RCOR1: variants seen among roughly 807,000 people sequenced by gnomAD.
RCOR1 encodes REST corepressor 1.
Under a neutral mutation model 64.0 loss-of-function variants are expected in RCOR1, and 12 were observed. That is an observed-to-expected ratio of 0.19 (90% CI 0.12 to 0.30). The LOEUF is 0.30. RCOR1 is among the 10% of genes least tolerant of loss of function. RCOR1 has a pLI of 1.00. For synonymous variants in RCOR1, 279 were observed against 227.2 expected (o/e 1.23, Z -2.05); for missense variants, 502 against 621.2 (o/e 0.81, Z 2.04).
At position 102,593,033 on chromosome 14, in the gene RCOR1, C is replaced by A; in HGVS notation, c.147C>A (p.Ala49=). The A allele has an allele frequency of 7.8e-7, 1 of 1,281,520 alleles. No individual in the cohort carries two copies. Among genetic ancestry groups the A allele is most frequent in the South Asian group, 2.4e-5 (1 of 41,420 alleles). 79.4% of individuals were successfully genotyped at this position (1,281,520 alleles called of 1,614,324 possible). ...CAGCCGCCACTGCCGCCTCGGGCGC[C>A]GCCGCCTCCTCAGCCTCGGCCGCCG... ...ASPAATAASG[A]AASSASAAAA... is the part of the protein sequence containing the mutation. Residue 49 remains alanine, a synonymous_variant, in exon 1 of 12, where the codon GCC becomes GCA. Coordinates refer to ENST00000262241, the MANE Select transcript of RCOR1 (RefSeq NM_015156.4).
chr14:102,628,068 A>G (rs145075385), intron 2 of RCOR1, among the ~76,000 whole-genome samples: 131 of 152,134 alleles, frequency 8.6e-4, no homozygotes, highest in African/African-American at 3.1e-3. Flanking sequence ...TGACAGGGTA[A>G]GTTCCAGTTC....
intron 2 of RCOR1, among the ~76,000 whole-genome samples, chr14:102,616,250 ATGTGTGTGTGTG>A (rs1446113795): frequency 9.8e-6 from 1 of 101,930 alleles, no homozygotes; most frequent in African/African-American, 3.3e-5. Flanking sequence ...GTGTGTGTGT[ATGTGTGTGTGTG>A]TATATATATA....
chr14:102,701,208 C>A, intron 3 of RCOR1, 70 bp from the exon 4 acceptor site: 2 of 1,238,114 alleles, frequency 1.6e-6, no homozygotes, highest in South Asian at 1.2e-5. Flanking sequence ...ACACGTATAT[C>A]AATTCTAGCA....
intron 2 of RCOR1, among the ~76,000 whole-genome samples, chr14:102,628,538 CA>C (rs371262191): frequency 4.3e-3 from 550 of 126,784 alleles, no homozygotes; most frequent in Middle Eastern, 0.012. Flanking sequence ...ACTGCAACTC[CA>C]AAAAAAAAAA....
At chr14:102,632,933 T>G (rs1894159392) in intron 2 of RCOR1, among the ~76,000 whole-genome samples, 1 of 151,474 alleles carries the variant, frequency 6.6e-6, no homozygotes, top group South Asian at 2.1e-4. Context: ...CACTTCAGCC[T>G]CCTGAGTAGC....
intron 2 of RCOR1, chr14:102,630,201 A>G (rs1412796477): frequency 1.3e-5 from 2 of 154,750 alleles, no homozygotes; most frequent in East Asian, 3.9e-4. Context: ...TTACTCCTTT[A>G]GTTCCTACAA....
chr14:102,640,688 T>C (rs928822038), intron 2 of RCOR1, among the ~76,000 whole-genome samples: 1 of 152,258 alleles, frequency 6.6e-6, no homozygotes, highest in Non-Finnish European at 1.5e-5. Context: ...TAAAGAATTT[T>C]TTGAGGCTGG....
chr14:102,622,682 C>T (rs1446799666), intron 2 of RCOR1, among the ~76,000 whole-genome samples: 1 of 152,118 alleles, frequency 6.6e-6, no homozygotes, highest in African/African-American at 2.4e-5. Context: ...TAGGCCATCT[C>T]CTGATGACAC....
At chr14:102,633,633 G>A (rs758925403) in intron 2 of RCOR1, among the ~76,000 whole-genome samples, 4 of 152,084 alleles carry the variant, frequency 2.6e-5, no homozygotes, top group South Asian at 2.1e-4. Context: ...TCTGCCTCCC[G>A]CATTGAAGCG....
chr14:102,706,956 G>A (rs570989674), intron 4 of RCOR1, among the ~76,000 whole-genome samples: 2 of 151,954 alleles, frequency 1.3e-5, no homozygotes, highest in South Asian at 4.2e-4. Context: ...CCTTGTTGCT[G>A]TACCTAACAA....
At chr14:102,599,906 T>C (rs1171999080) in intron 2 of RCOR1, among the ~76,000 whole-genome samples, 1 of 151,252 alleles carries the variant, frequency 6.6e-6, no homozygotes, top group African/African-American at 2.4e-5. Context: ...CAGACTCAAG[T>C]GATCCTCCCC....
intron 7 of RCOR1, among the ~76,000 whole-genome samples, chr14:102,712,180 A>AT (rs900871454): frequency 5.3e-5 from 8 of 150,226 alleles, no homozygotes; most frequent in African/African-American, 1.7e-4. Flanking sequence ...CCTTGATTTT[A>AT]TTTTTTTTTA....
intron 2 of RCOR1, among the ~76,000 whole-genome samples, chr14:102,599,238 C>T (rs1252332661): frequency 6.6e-6 from 1 of 152,008 alleles, no homozygotes. Flanking sequence ...ATCCTCCCAT[C>T]CATACTTTAC....
chr14:102,616,206 ATGTGTGTGTGTGTG>A (rs56991991), intron 2 of RCOR1, among the ~76,000 whole-genome samples: 45,252 of 149,140 alleles, frequency 0.3, 7,157 homozygotes, highest in Middle Eastern at 0.42. Context: ...ACATGTGTAT[ATGTGTGTGTGTGTG>A]TGTGTGTGTG....
chr14:102,692,908 G>A (rs1895567873), intron 3 of RCOR1, among the ~76,000 whole-genome samples: 1 of 151,602 alleles, frequency 6.6e-6, no homozygotes, highest in African/African-American at 2.4e-5. Flanking sequence ...TGGAATTACA[G>A]GCATGTACCA....
In RCOR1 at chr14:102,592,884, C is replaced by T; in HGVS notation, c.-3C>T. 8.2e-7 allele frequency: 1 copy of T among 1,224,248 alleles called. No homozygotes were observed. The highest frequency in any genetic ancestry group is 1.0e-6 in the Non-Finnish European group (1 of 980,026). 75.8% of individuals were successfully genotyped at this position (1,224,248 alleles called of 1,614,324 possible). On this transcript the variant is annotated 5_prime_UTR_variant, in exon 1 of 12. Transcript: ENST00000262241. ...CACTTTCGCACGGCCCCGGCCCCCGCCGATGCCGGCCATGGTGGAGAAGGG... is the reference window on the plus strand; with the variant it reads ...CACTTTCGCACGGCCCCGGCCCCCGTCGATGCCGGCCATGGTGGAGAAGGG...
chr14:102,628,815 A>G (rs1363240162), intron 2 of RCOR1, among the ~76,000 whole-genome samples: 1 of 151,874 alleles, frequency 6.6e-6, no homozygotes, highest in African/African-American at 2.4e-5. Context: ...CGGCCTCCCA[A>G]AGTGCTGGGA....
At chr14:102,720,806 C>T (rs1365555261) in intron 8 of RCOR1, 2 of 430,412 alleles carry the variant, frequency 4.6e-6, no homozygotes, top group African/African-American at 4.1e-5. Flanking sequence ...TGGGTTGTAC[C>T]TTATCTGTTG....
chr14:102,691,122 C>T (rs1046538706), intron 3 of RCOR1, among the ~76,000 whole-genome samples: 7 of 152,180 alleles, frequency 4.6e-5, no homozygotes, highest in African/African-American at 7.2e-5. Context: ...ACGAACAGTC[C>T]GACAAGTCCC....
Sources: allele counts gnomAD v4.1 joint callset (sites outside exome capture counted in the v4.1 genomes callset), GRCh38; gene constraint gnomAD v4.1.1; transcripts MANE v1.5; gene names NCBI Gene and HGNC (gene_info 2026-07-23, HGNC 2026-07-21).